CAMTA1: variants seen among roughly 807,000 people sequenced by gnomAD.
The protein encoded by CAMTA1 is calmodulin binding transcription activator 1.
A neutral mutation model predicts 170.9 loss-of-function variants in CAMTA1; 27 were observed. The observed-to-expected ratio is 0.16, with a 90% CI of 0.12 to 0.22. The LOEUF is 0.22. CAMTA1 is among the 10% of genes least tolerant of loss of function. The probability of loss-of-function intolerance (pLI) is 1.00; values close to 1 mark genes in which losing one functional copy is unlikely to be tolerated. For missense variants in CAMTA1, 1,619 were observed against 2,217.2 expected, an observed-to-expected ratio of 0.73 and a Z score of 5.42; for synonymous variants, 833 against 891.5, an observed-to-expected ratio of 0.93 and a Z score of 1.17.
rs573884261 is a variant in CAMTA1, at chr1:7,467,538, A to G, written c.439-292A>G. Among the ~76,000 whole-genome samples the G allele has an allele frequency of 8.5e-5, 13 of 152,336 alleles. No homozygotes were observed. The South Asian group carries it at 2.7e-3, about 32-fold the overall frequency. On this transcript the variant is annotated intron_variant, in intron 5 of 22. Coordinates refer to ENST00000303635, the MANE Select transcript of CAMTA1 (RefSeq NM_015215.4). Reference sequence around the variant, plus strand: ...ATTATAGGAAAATGCATACGTAGGTACATTTCCCTGGTCCTTGGCTGTCCT... The same window carrying G: ...ATTATAGGAAAATGCATACGTAGGTGCATTTCCCTGGTCCTTGGCTGTCCT...
At chr1:7,500,733 G>A (rs1015288976) in intron 6 of CAMTA1, among the ~76,000 whole-genome samples, 1 of 152,160 alleles carries the variant, frequency 6.6e-6, no homozygotes, top group Non-Finnish European at 1.5e-5. Flanking sequence ...CAGATGGAGG[G>A]AGGGCCGGTG....
intron 4 of CAMTA1, among the ~76,000 whole-genome samples, chr1:7,171,277 A>G (rs371517762): frequency 2.6e-5 from 4 of 152,258 alleles, no homozygotes; most frequent in South Asian, 2.1e-4. Flanking sequence ...AGTATGTGCA[A>G]TTGCCTTGGT....
At chr1:7,218,804 T>G (rs1289925129) in intron 4 of CAMTA1, among the ~76,000 whole-genome samples, 1 of 152,164 alleles carries the variant, frequency 6.6e-6, no homozygotes, top group Non-Finnish European at 1.5e-5. Context: ...ACTCAAGAAT[T>G]TGTTAATTTG....
intron 6 of CAMTA1, among the ~76,000 whole-genome samples, chr1:7,548,523 GC>G (rs1409558762): frequency 2.4e-5 from 3 of 127,130 alleles, no homozygotes; most frequent in Middle Eastern, 4.7e-3. Context: ...GGTGGAGGGT[GC>G]CCCCTTAGGG....
chr1:7,650,694 TC>T (rs150760568), intron 7 of CAMTA1, among the ~76,000 whole-genome samples: 21,052 of 151,642 alleles, frequency 0.14, 1,626 homozygotes, highest in South Asian at 0.24. Flanking sequence ...CTCCATCCCG[TC>T]CCCCCTCAGC....
In CAMTA1 at chr1:7,538,478, C is replaced by T. The variant is rs148404339; in HGVS notation, c.510+70577C>T. On this transcript the variant is annotated intron_variant, in intron 6 of 22. Coordinates refer to ENST00000303635, the MANE Select transcript of CAMTA1 (RefSeq NM_015215.4). ...CCAGCCTGGGTAACATAGGAGACTT[C>T]GTCTCTACTAAAAAGAAATAAAATT... Among the ~76,000 whole-genome samples the T allele has an allele frequency of 9.9e-5, 15 of 152,252 alleles. No homozygotes were observed. The South Asian group carries it at 2.1e-3, about 21-fold the overall frequency.
In CAMTA1 at chr1:7,584,265, G is replaced by T. The variant is rs117295459; in HGVS notation, c.511-56135G>T. On this transcript the variant is annotated intron_variant, in intron 6 of 22. Transcript: ENST00000303635. ...GGCTGAACTCTGACTCCAGCAAGGA[G>T]AAGTGGGGATTTATCAGCAAGGAGC... 8.9e-4 allele frequency among the ~76,000 whole-genome samples: 135 copies of T among 152,182 alleles called. 1 individual carries two copies. The East Asian group carries it at 0.022, about 25-fold the overall frequency.
chr1:7,614,684 AC>A (rs2095547520), intron 6 of CAMTA1, among the ~76,000 whole-genome samples: 1 of 152,020 alleles, frequency 6.6e-6, no homozygotes, highest in Non-Finnish European at 1.5e-5. Context: ...TATAAATGAC[AC>A]CACCCCCAGA....
At chr1:7,526,511 C>T (rs1458993837) in intron 6 of CAMTA1, among the ~76,000 whole-genome samples, 1 of 152,234 alleles carries the variant, frequency 6.6e-6, no homozygotes, top group African/African-American at 2.4e-5. Context: ...ACACAGACCA[C>T]AGCTGTGAGC....
intron 5 of CAMTA1, among the ~76,000 whole-genome samples, chr1:7,282,994 TGATAATAGTGG>T (rs1671730886): frequency 6.6e-6 from 1 of 152,148 alleles, no homozygotes; most frequent in African/African-American, 2.4e-5. Context: ...ACAGCAGTAT[TGATAATAGTGG>T]GAATTTGGAA....
At chr1:7,190,376 G>A (rs1654287293) in intron 4 of CAMTA1, among the ~76,000 whole-genome samples, 1 of 152,134 alleles carries the variant, frequency 6.6e-6, no homozygotes, top group African/African-American at 2.4e-5. Flanking sequence ...CTCTGTATGT[G>A]TAATACATGT....
intron 4 of CAMTA1, among the ~76,000 whole-genome samples, chr1:7,118,332 A>C (rs2148437000): frequency 7.9e-6 from 1 of 126,178 alleles, no homozygotes. Context: ...TTGCTCTGCC[A>C]CCCAGGCTGG....
intron 3 of CAMTA1, among the ~76,000 whole-genome samples, chr1:6,966,887 C>T (rs1430929933): frequency 6.7e-6 from 1 of 149,310 alleles, no homozygotes; most frequent in Non-Finnish European, 1.5e-5. Context: ...GTTGGGATTA[C>T]AGGCATGAGC....
intron 5 of CAMTA1, among the ~76,000 whole-genome samples, chr1:7,289,724 C>T (rs1672848469): frequency 6.6e-6 from 1 of 152,132 alleles, no homozygotes; most frequent in African/African-American, 2.4e-5. Flanking sequence ...TTGGATAGGA[C>T]ACACAGACTC....
intron 4 of CAMTA1, among the ~76,000 whole-genome samples, chr1:7,166,930 C>A (rs1197073330): frequency 6.6e-6 from 1 of 151,708 alleles, no homozygotes; most frequent in Non-Finnish European, 1.5e-5. Context: ...CTTACCTCAG[C>A]CTGCTGAGTA....
Position 7,677,696 on chromosome 1 carries a change from G to T in CAMTA1, c.2877G>T (p.Thr959=). 1 of 1,613,978 alleles carries T rather than the reference G, an allele frequency of 6.2e-7. No homozygotes were observed. Among genetic ancestry groups the T allele is most frequent in the Non-Finnish European group, 8.5e-7 (1 of 1,179,986 alleles). The change falls in exon 11 of 23, where the codon ACG becomes ACT. Residue 959 remains threonine (T), a synonymous_variant. Coordinates refer to ENST00000303635, the MANE Select transcript of CAMTA1 (RefSeq NM_015215.4). ...AGTACAAAGCCCGGGCTCTGCCCACGCTCCCTTCCTCCCAGCACGACTGGC... is the reference window on the plus strand; with the variant it reads ...AGTACAAAGCCCGGGCTCTGCCCACTCTCCCTTCCTCCCAGCACGACTGGC... ...VFEYKARALP[T]LPSSQHDWLS...
intron 7 of CAMTA1, among the ~76,000 whole-genome samples, chr1:7,647,837 A>G (rs2095820146): frequency 6.6e-6 from 1 of 152,042 alleles, no homozygotes; most frequent in African/African-American, 2.4e-5. Context: ...TAATCCCAGC[A>G]CTCTGGGTGG....
chr1:7,246,522 GA>G (rs1264446690), intron 4 of CAMTA1, among the ~76,000 whole-genome samples: 3 of 152,006 alleles, frequency 2.0e-5, no homozygotes, highest in Admixed American at 6.6e-5. Context: ...TTCTTGTGGG[GA>G]GGGGGGCTAT....
intron 3 of CAMTA1, among the ~76,000 whole-genome samples, chr1:7,073,072 G>T (rs901753758): frequency 2.0e-5 from 3 of 152,168 alleles, no homozygotes; most frequent in Non-Finnish European, 2.9e-5. Flanking sequence ...GAACCAAGGC[G>T]GCAGCAATTA....
Sources: allele counts gnomAD v4.1 joint callset (sites outside exome capture counted in the v4.1 genomes callset), GRCh38; gene constraint gnomAD v4.1.1; transcripts MANE v1.5; gene names NCBI Gene and HGNC (gene_info 2026-07-23, HGNC 2026-07-21).